The following ABCA10 variants were observed in gnomAD, a reference collection of about 807,000 sequenced individuals.
The protein encoded by ABCA10 is ATP binding cassette subfamily A member 10, also known as ATP-binding cassette sub-family A member 10.
Under a neutral mutation model 187.5 loss-of-function variants are expected in ABCA10, and 169 were observed. The ratio of observed to expected loss-of-function variants is 0.90; its 90% CI spans 0.80 to 1.02. ABCA10 has a LOEUF of 1.02. Ranked by LOEUF, ABCA10 falls within the 50% of genes least tolerant of loss-of-function variation. The pLI is 0.00. For missense variants in ABCA10, 1,727 were observed against 1,812.4 expected, an observed-to-expected ratio of 0.95 and a Z score of 0.86; for synonymous variants, 574 against 601.8, an observed-to-expected ratio of 0.95 and a Z score of 0.68.
At chr17:69,201,941 C>G (rs1418562342) in intron 9 of ABCA10, among the ~76,000 whole-genome samples, 1 of 152,176 alleles carries the variant, frequency 6.6e-6, no homozygotes, top group Admixed American at 6.5e-5. Flanking sequence ...TGCCACCACG[C>G]CCGGCTAACT....
intron 27 of ABCA10, among the ~76,000 whole-genome samples, chr17:69,161,451 A>G (rs2074217673): frequency 1.3e-5 from 2 of 152,206 alleles, no homozygotes; most frequent in South Asian, 2.1e-4. Flanking sequence ...GTGAAAAATA[A>G]TTGCAGTTGT....
At chr17:69,178,153 T>C (rs1383420599) in intron 22 of ABCA10, among the ~76,000 whole-genome samples, 1 of 151,112 alleles carries the variant, frequency 6.6e-6, no homozygotes, top group Non-Finnish European at 1.5e-5. Flanking sequence ...AACAAGTAGC[T>C]AAGGAACAGA....
intron 1 of ABCA10, among the ~76,000 whole-genome samples, chr17:69,243,203 T>G (rs2074916555): frequency 6.6e-6 from 1 of 152,158 alleles, no homozygotes; most frequent in African/African-American, 2.4e-5. Context: ...GGTGAAAAAA[T>G]TACTTCTGAT....
chr17:69,223,822 C>A (rs570043052), intron 3 of ABCA10: 3 of 272,380 alleles, frequency 1.1e-5, no homozygotes, highest in South Asian at 3.2e-5. Flanking sequence ...TTGGAACAGG[C>A]GAGCATGGTA....
intron 18 of ABCA10, among the ~76,000 whole-genome samples, chr17:69,190,134 G>A (rs1238347827): frequency 6.6e-6 from 1 of 152,118 alleles, no homozygotes; most frequent in African/African-American, 2.4e-5. Context: ...GCAGACAGAT[G>A]TTGGAAAGCA....
intron 10 of ABCA10, 85 bp downstream of exon 10, chr17:69,201,415 A>G (rs1012463315): frequency 1.2e-5 from 15 of 1,205,424 alleles, no homozygotes; most frequent in Admixed American, 2.8e-5. Context: ...AAAAGAACAC[A>G]TAATCTATAT....
At chr17:69,158,402 T>G (rs1046524620) in intron 27 of ABCA10, among the ~76,000 whole-genome samples, 1 of 151,776 alleles carries the variant, frequency 6.6e-6, no homozygotes, top group African/African-American at 2.4e-5. Flanking sequence ...TGATATAAGA[T>G]AATTGTACAA....
upstream of ABCA10, among the ~76,000 whole-genome samples, chr17:69,230,418 T>TCA (rs139634655): frequency 2.0e-3 from 302 of 152,184 alleles, 9 homozygotes; most frequent in East Asian, 0.055. Context: ...ATTGTCTGTG[T>TCA]CCCTTGGAGA....
intron 27 of ABCA10, among the ~76,000 whole-genome samples, chr17:69,162,311 G>A (rs530141877): frequency 6.6e-6 from 1 of 152,338 alleles, no homozygotes; most frequent in African/African-American, 2.4e-5. Context: ...AAAGGTAGAA[G>A]TGGGTCCAGT....
chr17:69,158,329 C>T (rs1326519319), intron 27 of ABCA10, among the ~76,000 whole-genome samples: 1 of 150,556 alleles, frequency 6.6e-6, no homozygotes, highest in East Asian at 1.9e-4. Flanking sequence ...GTTGTTTCAC[C>T]GGAAAATGCA....
intron 27 of ABCA10, 152 bp from the exon 28 acceptor site, chr17:69,157,075 A>C (rs1010175056): frequency 6.3e-6 from 3 of 475,456 alleles, no homozygotes; most frequent in Non-Finnish European, 1.1e-5. Context: ...CTTGTAAAAT[A>C]CTTCTCATGT....
At position 69,192,592 on chromosome 17, in the gene ABCA10, C is replaced by T; in HGVS notation, c.1842G>A (p.Lys614=). 1.2e-6 allele frequency: 2 copies of T among 1,613,544 alleles called. No homozygotes were observed. The highest frequency in any genetic ancestry group is 1.7e-6 in the Non-Finnish European group (2 of 1,179,764). The change falls in exon 16 of 39, where the codon AAG becomes AAA. Residue 614 remains lysine (K), a synonymous_variant. Coordinates refer to ENST00000690296, the MANE Select transcript of ABCA10 (RefSeq NM_001377321.1). ...LKCAGSSLFL[K]RKWGIGYHLS... is the part of the protein sequence containing the mutation. ...AATGATATCCAATACCCCACTTTCG[C>T]TTCAGAAACAAAGATGATCCTGCAC...
In ABCA10 at chr17:69,219,688, T is replaced by C; in HGVS notation, c.387A>G (p.Gly129=). Reference sequence around the variant, plus strand: ...AATGAAACCATTCATTCATAATTTCTCCCTTAGAAATGAAAGGTGGTATCT... The same window carrying C: ...AATGAAACCATTCATTCATAATTTCCCCCTTAGAAATGAAAGGTGGTATCT... ...NMKIPPFISK[G]EIMNEWFHFT... Residue 129 remains glycine (G), a synonymous_variant, in exon 6 of 39, where the codon GGA becomes GGG. Coordinates refer to ENST00000690296, the MANE Select transcript of ABCA10 (RefSeq NM_001377321.1). The C allele has an allele frequency of 6.2e-7, 1 of 1,611,402 alleles. No homozygotes were observed. Among genetic ancestry groups the C allele is most frequent in the Non-Finnish European group, 8.5e-7 (1 of 1,178,404 alleles).
At chr17:69,229,708 A>G (rs998275089), upstream of ABCA10, among the ~76,000 whole-genome samples, 1 of 151,836 alleles carries the variant, frequency 6.6e-6, no homozygotes, top group Non-Finnish European at 1.5e-5. Flanking sequence ...CAACAAAGGA[A>G]GCATACTTTA....
In ABCA10 at chr17:69,148,614, A is replaced by G. The variant is rs576994177; in HGVS notation, c.*213T>C. ...AATAGACCCATGTTGGGGATGAATA[A>G]CATGTCTGATTTTGTTAATTTTGTC... On this transcript the variant is annotated 3_prime_UTR_variant, in exon 39 of 39. Transcript: ENST00000690296. The G allele has an allele frequency of 1.6e-5, 8 of 497,234 alleles. No homozygotes were observed. The highest frequency in any genetic ancestry group is 2.8e-5 in the Non-Finnish European group (8 of 282,640). The allele number at this position is 497,234 out of a possible 1,614,324, so 30.8% of individuals were successfully genotyped here. A position where few individuals can be genotyped will look rare whatever the true frequency, so the allele number is the denominator to read the frequency against.
At chr17:69,155,417 T>C (rs1047097214) in intron 29 of ABCA10, among the ~76,000 whole-genome samples, 1 of 152,252 alleles carries the variant, frequency 6.6e-6, no homozygotes, top group Non-Finnish European at 1.5e-5. Flanking sequence ...GTTTATTCCT[T>C]ATTGATTTCC....
At position 69,164,152 on chromosome 17, in the gene ABCA10, G is replaced by A. The variant is rs772704349; in HGVS notation, c.3285C>T (p.Leu1095=). 23 of 1,563,778 alleles carry A rather than the reference G, an allele frequency of 1.5e-5. No individual in the cohort carries two copies. Among genetic ancestry groups the A allele is most frequent in the African/African-American group, 7.0e-5 (5 of 71,276 alleles). ...LLGYVMLLIQ[L]DFMRNLDSLD... ...GACTGTCCAAGTTTCTCATAAAGTC[G>A]AGCTGAAAAAAAACCCACCAACAGT... Residue 1095 remains leucine, a splice_region_variant and synonymous_variant, in exon 27 of 39, where the codon CTC becomes CTT. Transcript: ENST00000690296.
chr17:69,209,803 C>G (rs952804292), intron 9 of ABCA10, among the ~76,000 whole-genome samples: 1 of 152,132 alleles, frequency 6.6e-6, no homozygotes, highest in Non-Finnish European at 1.5e-5. Flanking sequence ...CCCATGGCTC[C>G]TAGACTACAA....
At chr17:69,185,958 A>G (rs1421241619) in intron 19 of ABCA10, among the ~76,000 whole-genome samples, 1 of 152,148 alleles carries the variant, frequency 6.6e-6, no homozygotes, top group African/African-American at 2.4e-5. Flanking sequence ...AGGGGCCACA[A>G]ATTGCCTGCT....
Sources: allele counts gnomAD v4.1 joint callset (sites outside exome capture counted in the v4.1 genomes callset), GRCh38; gene constraint gnomAD v4.1.1; transcripts MANE v1.5; gene names NCBI Gene and HGNC (gene_info 2026-07-23, HGNC 2026-07-21).